SMC1B: variants seen among roughly 807,000 people sequenced by gnomAD.
The protein encoded by SMC1B is structural maintenance of chromosomes 1B, also known as structural maintenance of chromosomes protein 1B.
Under a neutral mutation model 157.9 loss-of-function variants are expected in SMC1B, and 60 were observed. The observed-to-expected ratio is 0.38, with a 90% CI of 0.31 to 0.47. SMC1B has a LOEUF of 0.47. Among genes scored for constraint, SMC1B ranks in the 20% least tolerant of loss-of-function variants. The probability of loss-of-function intolerance (pLI) is 0.99; values close to 1 mark genes in which losing one functional copy is unlikely to be tolerated. For synonymous variants in SMC1B, 445 were observed against 483.0 expected, an observed-to-expected ratio of 0.92 and a Z score of 1.03; for missense variants, 1,165 against 1,426.2, an observed-to-expected ratio of 0.82 and a Z score of 2.95.
intron 17 of SMC1B, among the ~76,000 whole-genome samples, chr22:45,360,966 C>A (rs2086715534): frequency 9.4e-6 from 1 of 106,100 alleles, no homozygotes. Flanking sequence ...TAATCTTGTG[C>A]CAGGTACTTT....
intron 19 of SMC1B, among the ~76,000 whole-genome samples, chr22:45,357,681 A>G (rs2146770963): frequency 6.6e-6 from 1 of 152,390 alleles, no homozygotes; most frequent in African/African-American, 2.4e-5. Flanking sequence ...CAACACAGTC[A>G]GAAATGCTGA....
intron 22 of SMC1B, among the ~76,000 whole-genome samples, chr22:45,350,521 C>T (rs542781371): frequency 8.5e-5 from 13 of 152,392 alleles, no homozygotes; most frequent in African/African-American, 2.9e-4. Flanking sequence ...TGTGATCTGC[C>T]TGCCTCAGCC....
chr22:45,377,958 C>T (rs561186307), intron 12 of SMC1B, among the ~76,000 whole-genome samples: 5 of 152,226 alleles, frequency 3.3e-5, no homozygotes, highest in African/African-American at 1.2e-4. Context: ...AAGTGTTCCT[C>T]CTGCCAAGTA....
rs375372036 is a variant in SMC1B, at chr22:45,408,611, A to AC, written c.298+98dup. On this transcript the variant is annotated intron_variant, in intron 2 of 24. Coordinates refer to ENST00000357450, the MANE Select transcript of SMC1B (RefSeq NM_148674.5). Reference sequence around the variant, plus strand: ...AGAAAAAAGAACTCTAGTTCATTACACCAGTAGAATAATAAACCATACCCT... The same window carrying AC: ...AGAAAAAAGAACTCTAGTTCATTACACCCAGTAGAATAATAAACCATACCCT... The AC allele has an allele frequency of 2.1e-4, 153 of 744,798 alleles. No individual in the cohort carries two copies. The African/African-American group carries it at 2.3e-3, about 11-fold the overall frequency. The allele number at this position is 744,798 out of a possible 1,614,324, so 46.1% of individuals were successfully genotyped here. A position where few individuals can be genotyped will look rare whatever the true frequency, so the allele number is the denominator to read the frequency against.
Position 45,378,688 on chromosome 22 carries a change from A to G in SMC1B, c.2058+4779T>C, listed in dbSNP as rs141675122. Reference sequence around the variant, plus strand: ...ACTAAACACTTAACCTTTCCTTCTAAGAGTGATTTTCCAACTCCTGAGTTA... The same window carrying G: ...ACTAAACACTTAACCTTTCCTTCTAGGAGTGATTTTCCAACTCCTGAGTTA... On this transcript the variant is annotated intron_variant, in intron 12 of 24. Coordinates refer to ENST00000357450, the MANE Select transcript of SMC1B (RefSeq NM_148674.5). Among the ~76,000 whole-genome samples, 294 of 152,282 alleles carry G rather than the reference A, an allele frequency of 1.9e-3. 2 individuals are homozygous for G. The highest frequency in any genetic ancestry group is 6.7e-3 in the African/African-American group (280 of 41,562).
intron 1 of SMC1B, among the ~76,000 whole-genome samples, chr22:45,410,981 T>TTATTAAGTAATTTAAG (rs2087326161): frequency 6.6e-6 from 1 of 152,326 alleles, no homozygotes; most frequent in East Asian, 1.9e-4. Context: ...CTGAATTAAA[T>TTATTAAGTAATTTAAG]TATTAAGTAA....
At position 45,353,912 on chromosome 22, in the gene SMC1B, AAAAAAAAAC is replaced by A. The variant is rs1299705462; in HGVS notation, c.3273+57_3273+65del. On this transcript the variant is annotated intron_variant, in intron 21 of 24. Transcript: ENST00000357450. ...TCCCACCAAAAAAAAAAAAAAAAAA[AAAAAAAAAC>A]AACCACCACCGGTAACACAGAATTC... The A allele has an allele frequency of 8.8e-4, 640 of 728,432 alleles. 22 individuals are homozygous for A. The highest frequency in any genetic ancestry group is 4.7e-3 in the South Asian group (210 of 44,814). The allele number at this position is 728,432 out of a possible 1,614,324, so 45.1% of individuals were successfully genotyped here.
intron 4 of SMC1B, among the ~76,000 whole-genome samples, chr22:45,406,214 C>A (rs1201585047): frequency 6.6e-6 from 1 of 152,104 alleles, no homozygotes; most frequent in Non-Finnish European, 1.5e-5. Flanking sequence ...AAGACATAAA[C>A]CCCTCAAGCT....
chr22:45,354,062 G>C lies in SMC1B; in HGVS notation c.3189C>G (p.Tyr1063Ter). Residue 1063 changes from tyrosine to a stop codon, truncating the protein, a stop_gained, in exon 21 of 25, where the codon TAC (tyrosine) becomes TAG (stop). Coordinates refer to ENST00000357450, the MANE Select transcript of SMC1B (RefSeq NM_148674.5). LOFTEE classifies it high-confidence loss of function. ...QEFEQVKKRR[Y>*]DLFTQCFEHV... ...GCTCAAAACACTGGGTGAAAAGATC[G>C]TATCTCCTTTTTTTCACTTGCTCGA... 6.2e-7 allele frequency: 1 copy of C among 1,602,620 alleles called. No homozygotes were observed. The highest frequency in any genetic ancestry group is 8.5e-7 in the Non-Finnish European group (1 of 1,175,936).
At chr22:45,351,837 C>CT (rs1057141059) in intron 22 of SMC1B, among the ~76,000 whole-genome samples, 1 of 152,130 alleles carries the variant, frequency 6.6e-6, no homozygotes, top group Admixed American at 6.5e-5. Context: ...TTGTAGATAA[C>CT]TTTTTGTTTC....
rs770516939 is a variant in SMC1B at position 45,372,274 on chromosome 22, G to T, written c.2077C>A (p.Arg693Ser). Residue 693 changes from arginine (R) to serine (S), a missense_variant, in exon 13 of 25, where the codon CGC (arginine) becomes AGC (serine). Transcript: ENST00000357450. ...QELKGLMKTL[R>S]KETDLKQIQT... The stretch of plus-strand genomic sequence containing the variant: ...ATTTGTTTCAAATCTGTTTCTTTGC[G>T]GAGTGTCTTCATTAAACCCTAAAAG... 1 of 1,601,700 alleles carries T rather than the reference G, an allele frequency of 6.2e-7. No individual in the cohort carries two copies. Among genetic ancestry groups the T allele is most frequent in the East Asian group, 2.3e-5 (1 of 44,394 alleles).
chr22:45,369,938 C>T lies in SMC1B; in HGVS notation c.2420+16G>A. ...AAATATGTAAGCTCCTTACCAACAT[C>T]TTTTTATAAAAATACCTTTTTTGAT... On this transcript the variant is annotated intron_variant, in intron 15 of 24. Coordinates refer to ENST00000357450, the MANE Select transcript of SMC1B (RefSeq NM_148674.5). The T allele has an allele frequency of 1.4e-6, 2 of 1,395,794 alleles. No individual in the cohort carries two copies. Among genetic ancestry groups the T allele is most frequent in the South Asian group, 2.5e-5 (2 of 78,926 alleles). The allele number at this position is 1,395,794 out of a possible 1,614,324, so 86.5% of individuals were successfully genotyped here.
intron 7 of SMC1B, among the ~76,000 whole-genome samples, chr22:45,394,971 C>A (rs568565014): frequency 7.9e-5 from 12 of 152,146 alleles, no homozygotes; most frequent in Admixed American, 2.0e-4. Context: ...TGATCTCTAG[C>A]GATTTCTCTC....
chr22:45,383,233 C>A (rs913685845), intron 12 of SMC1B, among the ~76,000 whole-genome samples: 7 of 152,080 alleles, frequency 4.6e-5, no homozygotes, highest in African/African-American at 1.4e-4. Flanking sequence ...AATACATACA[C>A]TTGCACACAC....
chr22:45,404,863 T>C (rs1480722649), intron 4 of SMC1B, among the ~76,000 whole-genome samples: 1 of 152,252 alleles, frequency 6.6e-6, no homozygotes, highest in East Asian at 1.9e-4. Flanking sequence ...GTCACTCATA[T>C]TTGGCACAGA....
intron 24 of SMC1B, 65 bp from the exon 25 acceptor site, chr22:45,344,722 G>T (rs1040089409): frequency 9.3e-7 from 1 of 1,078,096 alleles, no homozygotes; most frequent in African/African-American, 1.5e-5. Flanking sequence ...TAAAGTAAGA[G>T]CCATTAGTGA....
At chr22:45,357,189 G>A (rs1255681985) in intron 19 of SMC1B, among the ~76,000 whole-genome samples, 2 of 152,210 alleles carry the variant, frequency 1.3e-5, no homozygotes, top group African/African-American at 4.8e-5. Context: ...ACAAAAGACA[G>A]CTTCTTTCAT....
intron 12 of SMC1B, 139 bp downstream of exon 12, chr22:45,383,328 T>A (rs1326061309): frequency 1.8e-6 from 1 of 564,406 alleles, no homozygotes; most frequent in Non-Finnish European, 2.8e-6. Context: ...GAAAGATTTT[T>A]ATTTTTTATT....
chr22:45,372,396 C>T, intron 12 of SMC1B, 104 bp from the exon 13 acceptor site: 1 of 907,068 alleles, frequency 1.1e-6, no homozygotes, highest in Non-Finnish European at 1.6e-6. Context: ...CATACCACCA[C>T]ACCTGCACCT....
Sources: allele counts gnomAD v4.1 joint callset (sites outside exome capture counted in the v4.1 genomes callset), GRCh38; gene constraint gnomAD v4.1.1; transcripts MANE v1.5; gene names NCBI Gene and HGNC (gene_info 2026-07-23, HGNC 2026-07-21).